Variants in ADGRV1 observed in about 807,000 individuals in gnomAD.
The protein encoded by ADGRV1 is adhesion G protein-coupled receptor V1.
A neutral mutation model predicts 596.2 loss-of-function variants in ADGRV1; 359 were observed. The observed-to-expected ratio is 0.60, with a 90% confidence interval of 0.55 to 0.66. ADGRV1 has a LOEUF of 0.66. ADGRV1 is among the 30% of genes least tolerant of loss of function. The probability of loss-of-function intolerance (pLI) is 0.00; values close to 1 mark genes in which losing one functional copy is unlikely to be tolerated. For missense variants in ADGRV1, 7,274 were observed against 7,575.6 expected (o/e 0.96, Z 1.48); for synonymous variants, 2,681 against 2,679.2 (o/e 1.00, Z -0.02).
chr5:91,007,104 A>G (rs1782343229), intron 85 of ADGRV1, among the ~76,000 whole-genome samples: 2 of 152,240 alleles, frequency 1.3e-5, no homozygotes, highest in African/African-American at 4.8e-5. Flanking sequence ...GGGATTGAAA[A>G]GACAGTGGCC....
At chr5:90,774,945 G>T (rs778697456) in intron 60 of ADGRV1, among the ~76,000 whole-genome samples, 1 of 152,002 alleles carries the variant, frequency 6.6e-6, no homozygotes, top group Non-Finnish European at 1.5e-5. Context: ...GCCTATGTAC[G>T]TCTGTTTTCA....
chr5:90,975,866 AT>A (rs1334174296), intron 84 of ADGRV1, among the ~76,000 whole-genome samples: 3 of 147,994 alleles, frequency 2.0e-5, no homozygotes, highest in African/African-American at 5.0e-5. Flanking sequence ...TAAAAAAAAA[AT>A]AATAAGGCAG....
rs2149558997 is a variant in ADGRV1 at position 90,677,555 on chromosome 5, G to A, written c.5443+1346G>A. On this transcript the variant is annotated intron_variant, in intron 25 of 89. Transcript: ENST00000405460. Reference sequence around the variant, plus strand: ...TAAAGCTAAAAATCCTTATGTAATAGAAAGAGAAAATGTTAGTGACCATGA... The same window carrying A: ...TAAAGCTAAAAATCCTTATGTAATAAAAAGAGAAAATGTTAGTGACCATGA... Among the ~76,000 whole-genome samples the A allele has an allele frequency of 2.6e-5, 4 of 152,292 alleles. No individual in the cohort carries two copies. The South Asian group carries it at 8.3e-4, about 32-fold the overall frequency.
At chr5:90,869,106 A>AG (rs1467878028) in intron 83 of ADGRV1, among the ~76,000 whole-genome samples, 1 of 152,162 alleles carries the variant, frequency 6.6e-6, no homozygotes, top group African/African-American at 2.4e-5. Flanking sequence ...GTATATACAG[A>AG]GAAAAAAATC....
At chr5:90,576,036 T>C (rs941472766) in intron 1 of ADGRV1, among the ~76,000 whole-genome samples, 31 of 152,148 alleles carry the variant, frequency 2.0e-4, no homozygotes, top group Non-Finnish European at 4.4e-4. Context: ...CCTCTTTATT[T>C]CCTGTTCATT....
At chr5:90,682,712 G>T (rs909453141) in intron 27 of ADGRV1, among the ~76,000 whole-genome samples, 5 of 152,078 alleles carry the variant, frequency 3.3e-5, no homozygotes, top group African/African-American at 7.2e-5. Flanking sequence ...TTAAGGGAAA[G>T]GATCAACTTT....
Position 90,829,159 on chromosome 5 carries a change from A to G in ADGRV1, c.16584A>G (p.Leu5528=), listed in dbSNP as rs1387311830. The G allele has an allele frequency of 1.3e-6, 2 of 1,584,240 alleles. No homozygotes were observed. Among genetic ancestry groups the G allele is most frequent in the African/African-American group, 2.7e-5 (2 of 74,346 alleles). ...LQVARDSGTG[L]MMSVNFSTQE... ...TGGCCAGAGATTCTGGGACAGGACT[A>G]ATGATGTCTGTTAACTTTAGTACCC... The change falls in exon 77 of 90, where the codon CTA becomes CTG. Residue 5528 remains leucine, a synonymous_variant. Transcript: ENST00000405460.
In ADGRV1 at chr5:91,137,929, G is replaced by C. The variant is rs909430161; in HGVS notation, c.18433-12101G>C. ...CTGGCTGGTTAGAATCTGGATTTAC[G>C]TAAGGATAAAGTTGCTAGTCCTGCT... On this transcript the variant is annotated intron_variant, in intron 87 of 89. Coordinates refer to ENST00000405460, the MANE Select transcript of ADGRV1 (RefSeq NM_032119.4). Among the ~76,000 whole-genome samples the C allele has an allele frequency of 3.9e-5, 6 of 152,330 alleles. No individual in the cohort carries two copies. The East Asian group carries it at 9.6e-4, about 24-fold the overall frequency.
At chr5:90,722,023 T>C (rs1051361435) in intron 45 of ADGRV1, among the ~76,000 whole-genome samples, 3 of 152,190 alleles carry the variant, frequency 2.0e-5, no homozygotes, top group Non-Finnish European at 4.4e-5. Flanking sequence ...GTCTTTATAA[T>C]AGTGTTAATG....
At position 90,783,087 on chromosome 5, in the gene ADGRV1, G is replaced by A. The variant is rs770891749; in HGVS notation, c.13232-37G>A. On this transcript the variant is annotated intron_variant, in intron 65 of 89. Transcript: ENST00000405460. ...CTGAATCTTATAAGTTAGTTGCTCT[G>A]TCTGGCTTACCAATTAATTCCAAGT... 20 of 1,566,464 alleles carry A rather than the reference G, an allele frequency of 1.3e-5. No homozygotes were observed. In the South Asian group the frequency reaches 2.2e-4, roughly 17 times the overall value.
chr5:90,591,221 G>T (rs756836783), intron 1 of ADGRV1, among the ~76,000 whole-genome samples: 13 of 151,986 alleles, frequency 8.6e-5, no homozygotes, highest in Admixed American at 8.5e-4. Context: ...GTGAAATCCC[G>T]TCCTTACTAA....
At chr5:90,790,096 A>G (rs1037545556) in intron 69 of ADGRV1, among the ~76,000 whole-genome samples, 1 of 152,222 alleles carries the variant, frequency 6.6e-6, no homozygotes, top group Non-Finnish European at 1.5e-5. Flanking sequence ...ACACTTAATC[A>G]TAAAGAACCA....
chr5:90,949,985 G>T lies in ADGRV1; in HGVS notation c.17857-15430G>T, dbSNP rs927598878. On this transcript the variant is annotated intron_variant, in intron 83 of 89. Transcript: ENST00000405460. ...ATAATGCATGTTAAACATGAACTTT[G>T]TACAATGGTTTGTCCATGATCCCTA... Among the ~76,000 whole-genome samples the T allele has an allele frequency of 4.6e-5, 7 of 152,238 alleles. No homozygotes were observed. The Middle Eastern group carries it at 0.01, about 222-fold the overall frequency.
chr5:90,564,767 C>T lies in ADGRV1; in HGVS notation c.22+5850C>T, dbSNP rs1327145459. On this transcript the variant is annotated intron_variant, in intron 1 of 89. Coordinates refer to ENST00000405460, the MANE Select transcript of ADGRV1 (RefSeq NM_032119.4). ...TCAGCCTCCCGAGTAGCTGGGACTA[C>T]AGGCGCCCGCCACTGCGCCCGGCTA... Among the ~76,000 whole-genome samples, 2 of 90,128 alleles carry T rather than the reference C, an allele frequency of 2.2e-5. 1 individual carries two copies. The highest frequency in any genetic ancestry group is 4.4e-5 in the Non-Finnish European group (2 of 45,222). The allele number at this position is 90,128 out of a possible 152,430, so 59.1% of individuals were successfully genotyped here. A position where few individuals can be genotyped will look rare whatever the true frequency, so the allele number is the denominator to read the frequency against.
chr5:90,598,825 T>C (rs1761043429), intron 1 of ADGRV1, among the ~76,000 whole-genome samples: 1 of 152,188 alleles, frequency 6.6e-6, no homozygotes, highest in South Asian at 2.1e-4. Context: ...ACCATGGGTG[T>C]TGTGGACTAG....
intron 75 of ADGRV1, among the ~76,000 whole-genome samples, chr5:90,816,293 C>G (rs562994881): frequency 6.6e-6 from 1 of 151,406 alleles, no homozygotes; most frequent in African/African-American, 2.4e-5. Context: ...CATTTACTTG[C>G]CTTTAGGACC....
At chr5:91,076,351 G>T (rs551575996) in intron 86 of ADGRV1, among the ~76,000 whole-genome samples, 11 of 152,178 alleles carry the variant, frequency 7.2e-5, no homozygotes, top group Admixed American at 6.6e-4. Context: ...GAATGGAGTG[G>T]TCACTTGTTT....
At chr5:90,692,572 A>G in intron 31 of ADGRV1, 33 bp from the exon 32 acceptor site, 1 of 1,522,680 alleles carries the variant, frequency 6.6e-7, no homozygotes, top group Non-Finnish European at 9.0e-7. Context: ...CAGAACTGTG[A>G]TGCTGTTAAG....
intron 85 of ADGRV1, among the ~76,000 whole-genome samples, chr5:91,058,014 A>G (rs1385362650): frequency 2.0e-5 from 3 of 152,208 alleles, no homozygotes; most frequent in Non-Finnish European, 4.4e-5. Context: ...ATGCATATGC[A>G]AAGAATAAAA....
Sources: gnomAD v4.1 joint callset for allele counts (sites outside exome capture counted in the v4.1 genomes callset) on GRCh38, gnomAD v4.1.1 for gene constraint, MANE v1.5 for transcripts, NCBI Gene and HGNC (gene_info 2026-07-23, HGNC 2026-07-21) for gene names.